STX8: variants seen among roughly 807,000 people sequenced by gnomAD.
STX8 encodes syntaxin 8, also known as syntaxin-8.
Under a neutral mutation model 37.5 loss-of-function variants are expected in STX8, and 23 were observed. The ratio of observed to expected loss-of-function variants is 0.61; its 90% CI spans 0.44 to 0.87. The LOEUF (loss-of-function observed/expected upper bound fraction) is 0.87. STX8 is among the 40% of genes least tolerant of loss of function. The pLI is 0.00. For missense variants in STX8, 313 were observed against 284.7 expected (o/e 1.10, Z -0.71); for synonymous variants, 115 against 99.1 (o/e 1.16, Z -0.95).
intron 6 of STX8, among the ~76,000 whole-genome samples, chr17:9,430,323 CA>C (rs1913911921): frequency 6.8e-6 from 1 of 147,292 alleles, no homozygotes; most frequent in South Asian, 2.1e-4. Flanking sequence ...TATCTATTTC[CA>C]AAACTTTAAA....
intron 6 of STX8, among the ~76,000 whole-genome samples, chr17:9,465,904 C>T (rs984592098): frequency 6.6e-6 from 1 of 152,078 alleles, no homozygotes; most frequent in African/African-American, 2.4e-5. Context: ...CCTTGCACAC[C>T]TAGAAAATGG....
chr17:9,391,671 G>GAA (rs11415026), intron 6 of STX8, among the ~76,000 whole-genome samples: 24 of 122,370 alleles, frequency 2.0e-4, no homozygotes, highest in African/African-American at 4.0e-4. Flanking sequence ...AAAGATGAGG[G>GAA]AAAAAAAAAA....
chr17:9,341,446 T>C (rs1231180043), intron 7 of STX8, among the ~76,000 whole-genome samples: 1 of 152,122 alleles, frequency 6.6e-6, no homozygotes, highest in Non-Finnish European at 1.5e-5. Context: ...TTTTTGTTTG[T>C]TTGTTTTTTG....
chr17:9,395,975 A>C (rs1255303549), intron 6 of STX8, among the ~76,000 whole-genome samples: 2 of 152,246 alleles, frequency 1.3e-5, no homozygotes, highest in African/African-American at 4.8e-5. Flanking sequence ...GGCGTTAAAC[A>C]ACCCTACAAT....
intron 7 of STX8, among the ~76,000 whole-genome samples, chr17:9,267,575 C>G (rs756014834): frequency 3.3e-5 from 5 of 152,220 alleles, no homozygotes; most frequent in Non-Finnish European, 7.3e-5. Context: ...CCAAACATGG[C>G]TGCCAGGCTT....
intron 6 of STX8, among the ~76,000 whole-genome samples, chr17:9,476,252 G>C (rs993247142): frequency 1.3e-5 from 2 of 152,160 alleles, no homozygotes; most frequent in Non-Finnish European, 2.9e-5. Context: ...AATCAATATG[G>C]TCCTTCATTC....
intron 6 of STX8, among the ~76,000 whole-genome samples, chr17:9,458,340 G>T (rs886462756): frequency 6.6e-6 from 1 of 152,116 alleles, no homozygotes; most frequent in Non-Finnish European, 1.5e-5. Flanking sequence ...TAGTAGAGAT[G>T]GGGTTTCACC....
chr17:9,374,495 C>T (rs573072294), intron 7 of STX8, among the ~76,000 whole-genome samples: 10 of 152,250 alleles, frequency 6.6e-5, no homozygotes, highest in Admixed American at 2.0e-4. Context: ...CAGTTGAAGG[C>T]TTAAAAGGAA....
chr17:9,435,449 C>A (rs1208205553), intron 6 of STX8, among the ~76,000 whole-genome samples: 2 of 152,130 alleles, frequency 1.3e-5, no homozygotes, highest in East Asian at 3.8e-4. Flanking sequence ...TGATGTTCAC[C>A]CATATACGTC....
At position 9,545,207 on chromosome 17, in the gene STX8, G is replaced by C. The variant is rs1906453809; in HGVS notation, c.288C>G (p.Ser96=). The change falls in exon 4 of 8, where the codon TCC becomes TCG. Residue 96 remains serine, a synonymous_variant. Coordinates refer to ENST00000306357, the MANE Select transcript of STX8 (RefSeq NM_004853.3). ...LVTRERLLLA[S]FKNEGAEPDL... is the part of the protein sequence containing the mutation. ...CTGGTTCGGCACCCTCATTCTTAAA[G>C]GATGCCAGAAGTAGTCTCTCTCGAG... The C allele has an allele frequency of 1.9e-6, 3 of 1,613,910 alleles. No homozygotes were observed. The African/African-American group carries it at 4.0e-5, about 22-fold the overall frequency.
chr17:9,491,967 A>C (rs1906871060), intron 5 of STX8, 46 bp from the exon 6 acceptor site: 1 of 1,426,144 alleles, frequency 7.0e-7, no homozygotes, highest in Non-Finnish European at 9.7e-7. Flanking sequence ...AGAAGAAAAC[A>C]ACTTAAAGTC....
chr17:9,479,371 T>C lies in STX8; in HGVS notation c.541+12458A>G, dbSNP rs541904999. Among the ~76,000 whole-genome samples the C allele has an allele frequency of 3.3e-5, 5 of 151,960 alleles. No individual in the cohort carries two copies. The South Asian group carries it at 1.0e-3, about 32-fold the overall frequency. ...CAACATGGCGAAAACCCATCTCTAC[T>C]AAAAATACAAAAATTAGCTGGGCAT... On this transcript the variant is annotated intron_variant, in intron 6 of 7. Coordinates refer to ENST00000306357, the MANE Select transcript of STX8 (RefSeq NM_004853.3).
chr17:9,317,081 T>G (rs1210245961), intron 7 of STX8, among the ~76,000 whole-genome samples: 1 of 151,644 alleles, frequency 6.6e-6, no homozygotes, highest in Non-Finnish European at 1.5e-5. Context: ...ATAAGGGACA[T>G]TAGACTGGAT....
rs560875664 is a variant in STX8, at chr17:9,336,732, C to A, written c.643+41820G>T. On this transcript the variant is annotated intron_variant, in intron 7 of 7. Coordinates refer to ENST00000306357, the MANE Select transcript of STX8 (RefSeq NM_004853.3). ...AACAGGTGTAAGCCACCGTGCCCAG[C>A]CTACTTTCAATTTCTAACTGGGTAT... Among the ~76,000 whole-genome samples, 27 of 152,220 alleles carry A rather than the reference C, an allele frequency of 1.8e-4. No homozygotes were observed. In the South Asian group the frequency reaches 3.9e-3, roughly 22 times the overall value.
intron 7 of STX8, among the ~76,000 whole-genome samples, chr17:9,303,876 G>A (rs985943083): frequency 1.3e-5 from 2 of 152,084 alleles, no homozygotes; most frequent in African/African-American, 4.8e-5. Context: ...TTTATGTTAT[G>A]TGGAGATAAC....
chr17:9,328,778 G>A (rs542090106), intron 7 of STX8, among the ~76,000 whole-genome samples: 10 of 152,120 alleles, frequency 6.6e-5, no homozygotes, highest in Admixed American at 2.0e-4. Flanking sequence ...GGCCGGATGC[G>A]GTGGCTCACG....
chr17:9,363,185 A>C (rs909195705), intron 7 of STX8, among the ~76,000 whole-genome samples: 58 of 152,346 alleles, frequency 3.8e-4, no homozygotes, highest in African/African-American at 1.3e-3. Context: ...CATATAATGT[A>C]AAATTAACCA....
At chr17:9,273,050 GA>G (rs1490392146) in intron 7 of STX8, among the ~76,000 whole-genome samples, 3 of 152,248 alleles carry the variant, frequency 2.0e-5, no homozygotes, top group South Asian at 4.1e-4. Context: ...AAGGAAGGGG[GA>G]AAACCGCCCT....
At chr17:9,486,850 C>A (rs562464770) in intron 6 of STX8, among the ~76,000 whole-genome samples, 1 of 152,208 alleles carries the variant, frequency 6.6e-6, no homozygotes, top group Admixed American at 6.5e-5. Flanking sequence ...CAGAGTGAGA[C>A]CAGAACCACA....
Sources: gnomAD v4.1 joint callset for allele counts (sites outside exome capture counted in the v4.1 genomes callset) on GRCh38, gnomAD v4.1.1 for gene constraint, MANE v1.5 for transcripts, NCBI Gene and HGNC (gene_info 2026-07-23, HGNC 2026-07-21) for gene names.